The following IL12RB1 variants were observed in gnomAD, a reference collection of about 807,000 sequenced individuals.
The protein encoded by IL12RB1 is interleukin 12 receptor subunit beta 1, also known as interleukin-12 receptor subunit beta-1.
Under a neutral mutation model 94.4 loss-of-function variants are expected in IL12RB1, and 64 were observed. The observed-to-expected ratio is 0.68, with a 90% confidence interval of 0.55 to 0.83. The LOEUF is 0.83. Ranked by LOEUF, IL12RB1 falls within the 40% of genes least tolerant of loss-of-function variation. IL12RB1 has a pLI of 0.00. For synonymous variants in IL12RB1, 362 were observed against 355.5 expected (o/e 1.02, Z -0.21); for missense variants, 814 against 855.6 (o/e 0.95, Z 0.61).
rs2035496956 is a variant in IL12RB1 at position 18,076,600 on chromosome 19, C to G, written c.550-273G>C. 2.0e-5 allele frequency among the ~76,000 whole-genome samples: 3 copies of G among 152,056 alleles called. No individual in the cohort carries two copies. The South Asian group carries it at 6.2e-4, about 32-fold the overall frequency. ...TGCATTTTTGGTAGAGACGGGATTT[C>G]ACCATGTTGCCCAGGCTGGTCTCAA... is the stretch of plus-strand genomic sequence containing the variant. On this transcript the variant is annotated intron_variant, in intron 5 of 16. Transcript: ENST00000593993.
chr19:18,072,064 T>C, intron 9 of IL12RB1, 48 bp downstream of exon 9: 1 of 1,276,696 alleles, frequency 7.8e-7, no homozygotes, highest in Admixed American at 1.7e-5. Flanking sequence ...GAGTAGGTGC[T>C]CAGCTCTGAG....
intron 9 of IL12RB1, chr19:18,071,219 A>G: frequency 2.5e-6 from 1 of 398,410 alleles, no homozygotes; most frequent in Non-Finnish European, 4.8e-6. Context: ...CTAAAAATAC[A>G]AAATTAGCCG....
intron 1 of IL12RB1, among the ~76,000 whole-genome samples, chr19:18,094,500 T>C (rs1039122143): frequency 6.6e-6 from 1 of 152,216 alleles, no homozygotes; most frequent in Non-Finnish European, 1.5e-5. Context: ...AAAACATTCA[T>C]TGTTTATGGA....
At chr19:18,087,576 G>A (rs1298261435), upstream of IL12RB1, among the ~76,000 whole-genome samples, 1 of 151,608 alleles carries the variant, frequency 6.6e-6, no homozygotes, top group African/African-American at 2.4e-5. Flanking sequence ...GTGCAGTGGT[G>A]CAATCACGGC....
At chr19:18,084,660 G>GCCATCCAT (rs61207801) in intron 1 of IL12RB1, among the ~76,000 whole-genome samples, 1 of 48,910 alleles carries the variant, frequency 2.0e-5, no homozygotes, top group Admixed American at 1.8e-4. Flanking sequence ...TATCCATCCA[G>GCCATCCAT]CCATCCATCC....
At chr19:18,093,122 T>C (rs1681424261) in intron 1 of IL12RB1, among the ~76,000 whole-genome samples, 1 of 151,672 alleles carries the variant, frequency 6.6e-6, no homozygotes, top group Admixed American at 6.6e-5. Context: ...CTGGCAAACA[T>C]GGTGAAACCC....
Position 18,066,228 on chromosome 19 carries a change from C to T in IL12RB1, c.1483+314G>A, listed in dbSNP as rs972398339. Among the ~76,000 whole-genome samples, 18 of 152,096 alleles carry T rather than the reference C, an allele frequency of 1.2e-4. 1 individual carries two copies. Among genetic ancestry groups the T allele is most frequent in the African/African-American group, 4.1e-4 (17 of 41,510 alleles). ...GTTCAAGCGATTCTCCTGCCTCAGC[C>T]TCCCGTGTAGCTAGAATTACAGGCA... is the stretch of plus-strand genomic sequence containing the variant. On this transcript the variant is annotated intron_variant, in intron 12 of 16. Transcript: ENST00000593993.
chr19:18,078,534 C>T (rs571563805), intron 4 of IL12RB1, among the ~76,000 whole-genome samples: 64 of 151,930 alleles, frequency 4.2e-4, no homozygotes, highest in African/African-American at 1.1e-3. Context: ...TGTGAAGAGA[C>T]GGGCACTTTT....
intron 5 of IL12RB1, 50 bp downstream of exon 5, chr19:18,077,466 G>A (rs772434168): frequency 6.9e-7 from 1 of 1,452,818 alleles, no homozygotes. Context: ...TGGGGGTGAA[G>A]GTGCCCTGGA....
At chr19:18,070,551 G>C (rs2034953052) in intron 9 of IL12RB1, 4 of 985,034 alleles carry the variant, frequency 4.1e-6, no homozygotes, top group Middle Eastern at 5.2e-4. Context: ...GATGGATACT[G>C]CTTGCAATTC....
upstream of IL12RB1, among the ~76,000 whole-genome samples, chr19:18,087,679 C>T (rs1230629957): frequency 6.6e-6 from 1 of 151,198 alleles, no homozygotes; most frequent in Non-Finnish European, 1.5e-5. Context: ...CCACGCCCAG[C>T]TAATTTTTGC....
At chr19:18,093,586 T>A (rs1013014351) in intron 1 of IL12RB1, among the ~76,000 whole-genome samples, 2 of 152,106 alleles carry the variant, frequency 1.3e-5, no homozygotes, top group African/African-American at 4.8e-5. Flanking sequence ...AGGGAACCTC[T>A]CTTTCCCCAG....
At chr19:18,084,837 T>G (rs983345532) in intron 1 of IL12RB1, among the ~76,000 whole-genome samples, 3 of 152,218 alleles carry the variant, frequency 2.0e-5, no homozygotes, top group African/African-American at 7.2e-5. Flanking sequence ...GAGGTACCCC[T>G]GCAGGAAAGA....
At chr19:18,073,093 T>C (rs2035196114) in intron 8 of IL12RB1, among the ~76,000 whole-genome samples, 1 of 151,980 alleles carries the variant, frequency 6.6e-6, no homozygotes, top group Non-Finnish European at 1.5e-5. Flanking sequence ...GAGTGGAGTA[T>C]TTGTCAGTTT....
intron 11 of IL12RB1, among the ~76,000 whole-genome samples, chr19:18,067,347 AAAAG>A (rs2034664787): frequency 1.4e-5 from 2 of 142,226 alleles, no homozygotes; most frequent in Non-Finnish European, 3.0e-5. Flanking sequence ...AAAAAAAAAA[AAAAG>A]GAGTGCTGGT....
chr19:18,073,623 A>G, intron 7 of IL12RB1, 24 bp from the exon 8 acceptor site: 1 of 1,413,140 alleles, frequency 7.1e-7, no homozygotes, highest in Non-Finnish European at 1.0e-6. Context: ...CAAACCAACT[A>G]GACGAATTGG....
In IL12RB1 at chr19:18,059,171, G is replaced by T; in HGVS notation, c.*437C>A. ...GGGTGGGGGGTGGGATGGGAGGACC[G>T]TCATTTTTCCCACAAAGTTTACAGC... On this transcript the variant is annotated 3_prime_UTR_variant, in exon 17 of 17. Coordinates refer to ENST00000593993, the MANE Select transcript of IL12RB1 (RefSeq NM_005535.3). 1 of 194,868 alleles carries T rather than the reference G, an allele frequency of 5.1e-6. No individual in the cohort carries two copies. Among genetic ancestry groups the T allele is most frequent in the South Asian group, 8.6e-5 (1 of 11,578 alleles). The allele number at this position is 194,868 out of a possible 1,614,324, so 12.1% of individuals were successfully genotyped here.
At chr19:18,076,458 A>G in intron 5 of IL12RB1, 131 bp from the exon 6 acceptor site, 1 of 693,334 alleles carries the variant, frequency 1.4e-6, no homozygotes, top group African/African-American at 1.8e-5. Flanking sequence ...GCTGGAGTGC[A>G]GTGGTGCAAT....
chr19:18,069,647 T>C lies in IL12RB1; in HGVS notation c.1088A>G (p.Gln363Arg), dbSNP rs770257649. The change falls in exon 10 of 17, where the codon CAG (glutamine) becomes CGG (arginine). Residue 363 changes from glutamine to arginine, a missense_variant. Coordinates refer to ENST00000593993, the MANE Select transcript of IL12RB1 (RefSeq NM_005535.3). ...GTTMYWPARA[Q>R]SMTYCIEWQP... ...CCATTCAATGCAATACGTCATGCTC[T>C]GAGCCCGGGCTGGCCAATACATGGT... 9.3e-6 allele frequency: 15 copies of C among 1,613,460 alleles called. No individual in the cohort carries two copies. Among genetic ancestry groups the C allele is most frequent in the Non-Finnish European group, 1.1e-5 (13 of 1,179,642 alleles).
Sources: allele counts gnomAD v4.1 joint callset (sites outside exome capture counted in the v4.1 genomes callset), GRCh38; gene constraint gnomAD v4.1.1; transcripts MANE v1.5; gene names NCBI Gene and HGNC (gene_info 2026-07-23, HGNC 2026-07-21).